The following UBE2D3 variants were observed in gnomAD, a reference collection of about 807,000 sequenced individuals.
The protein encoded by UBE2D3 is ubiquitin conjugating enzyme E2 D3, also known as ubiquitin-conjugating enzyme E2 D3.
A neutral mutation model predicts 22.8 loss-of-function variants in UBE2D3; 2 were observed. The ratio of observed to expected loss-of-function variants is 0.09; its 90% CI spans 0.04 to 0.28. The LOEUF (loss-of-function observed/expected upper bound fraction) is 0.28, where lower values mean the gene tolerates loss of function less well. UBE2D3 is among the 10% of genes least tolerant of loss of function. The probability of loss-of-function intolerance (pLI) is 1.00; values close to 1 mark genes in which losing one functional copy is unlikely to be tolerated. For missense variants in UBE2D3, 27 were observed against 182.5 expected (o/e 0.15, Z 4.91); for synonymous variants, 56 against 60.4 (o/e 0.93, Z 0.34).
intron 7 of UBE2D3, 33 bp downstream of exon 7, chr4:102,799,374 A>C (rs948907433): frequency 2.5e-6 from 4 of 1,580,624 alleles, no homozygotes; most frequent in Non-Finnish European, 3.5e-6. Context: ...ATTAAGTAAA[A>C]CCACTTTTAT....
At chr4:102,807,524 CA>C (rs1235049142) in intron 4 of UBE2D3, among the ~76,000 whole-genome samples, 10 of 152,106 alleles carry the variant, frequency 6.6e-5, no homozygotes, top group Admixed American at 5.9e-4. Flanking sequence ...GTACTGCTAC[CA>C]AAGCAAAACC....
In UBE2D3 at chr4:102,795,880, T is replaced by C. The variant is rs1725223671; in HGVS notation, c.*1535A>G. 3 of 152,336 alleles carry C rather than the reference T, an allele frequency of 2.0e-5. No individual in the cohort carries two copies. Among genetic ancestry groups the C allele is most frequent in the Non-Finnish European group, 2.9e-5 (2 of 67,868 alleles). 9.4% of individuals were successfully genotyped at this position (152,336 alleles called of 1,614,324 possible). A position where few individuals can be genotyped will look rare whatever the true frequency, so the allele number is the denominator to read the frequency against. The stretch of plus-strand genomic sequence containing the variant: ...AATAAACAGGAAAAATGTAAAACTA[T>C]GGGATCAGAATTAGGAAAGGTGAAG... On this transcript the variant is annotated 3_prime_UTR_variant, in exon 8 of 8. Coordinates refer to ENST00000453744, the MANE Select transcript of UBE2D3 (RefSeq NM_181891.3).
chr4:102,848,804 G>T (rs115836169), intron 1 of UBE2D3, among the ~76,000 whole-genome samples: 2,478 of 152,068 alleles, frequency 0.016, 61 homozygotes, highest in African/African-American at 0.054. Context: ...GGGCAATAGA[G>T]TGAGACCTTG....
At chr4:102,838,559 G>A (rs1731552043) in intron 1 of UBE2D3, among the ~76,000 whole-genome samples, 1 of 152,134 alleles carries the variant, frequency 6.6e-6, no homozygotes, top group Admixed American at 6.5e-5. Flanking sequence ...TAGATGGAGA[G>A]TTTACCTTTG....
intron 7 of UBE2D3, chr4:102,798,839 T>C (rs2110244235): frequency 1.6e-6 from 2 of 1,223,514 alleles, no homozygotes; most frequent in African/African-American, 1.5e-5. Context: ...TTGTTACCTT[T>C]TGTTAGTTAA....
chr4:102,853,788 C>G (rs1434599161), intron 1 of UBE2D3, among the ~76,000 whole-genome samples: 3 of 152,040 alleles, frequency 2.0e-5, no homozygotes, highest in Non-Finnish European at 4.4e-5. Flanking sequence ...ACTATCTATT[C>G]AAAAAGGAAA....
chr4:102,816,633 A>C (rs1414148002), intron 2 of UBE2D3, among the ~76,000 whole-genome samples: 6 of 152,234 alleles, frequency 3.9e-5, no homozygotes, highest in Non-Finnish European at 8.8e-5. Flanking sequence ...ATTTTATGCC[A>C]CTTCAAACAC....
rs1725061784 is a variant in UBE2D3, at chr4:102,794,499, C to G, written c.*2916G>C. ...AATATTTAGTGACTTGCACTGGGTT[C>G]CTCATAAAAGACAAATTCACTTAAA... On this transcript the variant is annotated 3_prime_UTR_variant, in exon 8 of 8. Coordinates refer to ENST00000453744, the MANE Select transcript of UBE2D3 (RefSeq NM_181891.3). 6.6e-6 allele frequency: 1 copy of G among 151,930 alleles called. No individual in the cohort carries two copies. The highest frequency in any genetic ancestry group is 1.5e-5 in the Non-Finnish European group (1 of 67,954). 9.4% of individuals were successfully genotyped at this position (151,930 alleles called of 1,614,324 possible). A position where few individuals can be genotyped will look rare whatever the true frequency, so the allele number is the denominator to read the frequency against.
At chr4:102,838,119 A>G (rs1389937392) in intron 1 of UBE2D3, among the ~76,000 whole-genome samples, 3 of 152,152 alleles carry the variant, frequency 2.0e-5, no homozygotes, top group Non-Finnish European at 4.4e-5. Context: ...CTCTGTCTCA[A>G]AAAAAACTGT....
At chr4:102,847,723 A>G (rs2110363601) in intron 1 of UBE2D3, among the ~76,000 whole-genome samples, 1 of 152,140 alleles carries the variant, frequency 6.6e-6, no homozygotes, top group Admixed American at 6.6e-5. Flanking sequence ...AGCTTACGGC[A>G]GCCTCAAACT....
intron 2 of UBE2D3, chr4:102,812,244 T>C (rs951525432): frequency 1.3e-5 from 2 of 152,742 alleles, no homozygotes; most frequent in African/African-American, 2.4e-5. Flanking sequence ...TAAATGATCA[T>C]GCTGGTGGAG....
intron 1 of UBE2D3, among the ~76,000 whole-genome samples, chr4:102,867,656 G>C (rs1733207983): frequency 6.6e-6 from 1 of 152,032 alleles, no homozygotes; most frequent in African/African-American, 2.4e-5. Context: ...AAAATTCGTT[G>C]GGTGTGGCAG....
rs749335395 is a variant in UBE2D3, at chr4:102,797,470, A to C, written c.399-10T>G. 6.3e-7 allele frequency: 1 copy of C among 1,593,138 alleles called. No individual in the cohort carries two copies. The highest frequency in any genetic ancestry group is 8.6e-7 in the Non-Finnish European group (1 of 1,168,488). ...AGATATTCTGTTGTACCTGTAAATA[A>C]AGATGTTATTTTTAAAAGTTAAAAT... On this transcript the variant is annotated splice_polypyrimidine_tract_variant and intron_variant, in intron 7 of 7. Transcript: ENST00000453744.
At chr4:102,833,525 C>T (rs1731225512) in intron 1 of UBE2D3, among the ~76,000 whole-genome samples, 1 of 152,084 alleles carries the variant, frequency 6.6e-6, no homozygotes, top group African/African-American at 2.4e-5. Context: ...ACTAAAATCA[C>T]AAAATGGAAA....
chr4:102,827,165 C>A lies in UBE2D3; in HGVS notation c.-129+262G>T, dbSNP rs1260249260. 4.1e-6 allele frequency: 4 copies of A among 986,864 alleles called. No homozygotes were observed. The Admixed American group carries it at 2.5e-4, about 61-fold the overall frequency. The allele number at this position is 986,864 out of a possible 1,614,324, so 61.1% of individuals were successfully genotyped here. A position where few individuals can be genotyped will look rare whatever the true frequency, so the allele number is the denominator to read the frequency against. Reference sequence around the variant, plus strand: ...ACCGTACACTCACTCCGCCTTCCAGCGCGCTCCCGCGCGCGCCCGCCCAGC... The same window carrying A: ...ACCGTACACTCACTCCGCCTTCCAGAGCGCTCCCGCGCGCGCCCGCCCAGC... On this transcript the variant is annotated intron_variant, in intron 1 of 7. Coordinates refer to ENST00000453744, the MANE Select transcript of UBE2D3 (RefSeq NM_181891.3).
At chr4:102,863,855 C>T (rs1266655610) in intron 1 of UBE2D3, among the ~76,000 whole-genome samples, 1 of 152,024 alleles carries the variant, frequency 6.6e-6, no homozygotes, top group Non-Finnish European at 1.5e-5. Context: ...AGAAAGAGCT[C>T]CAGAAATCTG....
intron 1 of UBE2D3, among the ~76,000 whole-genome samples, chr4:102,864,697 T>G (rs1459437375): frequency 6.6e-6 from 1 of 152,200 alleles, no homozygotes; most frequent in Non-Finnish European, 1.5e-5. Flanking sequence ...ACTCTGAAAT[T>G]CATAGAGTAG....
intron 1 of UBE2D3, among the ~76,000 whole-genome samples, chr4:102,856,315 TGA>T (rs1276522375): frequency 6.6e-6 from 1 of 152,164 alleles, no homozygotes; most frequent in Non-Finnish European, 1.5e-5. Flanking sequence ...TGCAGTGAGC[TGA>T]GATTGCGCCA....
At chr4:102,849,896 A>G (rs919821187) in intron 1 of UBE2D3, among the ~76,000 whole-genome samples, 1 of 152,176 alleles carries the variant, frequency 6.6e-6, no homozygotes, top group African/African-American at 2.4e-5. Flanking sequence ...GTCATTCTTT[A>G]CAAAATTTGA....
Sources: gnomAD v4.1 joint callset for allele counts (sites outside exome capture counted in the v4.1 genomes callset) on GRCh38, gnomAD v4.1.1 for gene constraint, MANE v1.5 for transcripts, NCBI Gene and HGNC (gene_info 2026-07-23, HGNC 2026-07-21) for gene names.